Variants in KCNN2 observed in about 807,000 individuals in gnomAD.
KCNN2 encodes the protein potassium calcium-activated channel subfamily N member 2, also known as small conductance calcium-activated potassium channel protein 2.
In KCNN2, 24 loss-of-function variants were observed where a neutral mutation model predicts 55.5. That is an observed-to-expected ratio of 0.43 (90% CI 0.31 to 0.61). The LOEUF (loss-of-function observed/expected upper bound fraction) is 0.61. Among genes scored for constraint, KCNN2 ranks in the 20% least tolerant of loss-of-function variants. KCNN2 has a pLI of 0.08. For synonymous variants in KCNN2, 431 were observed against 336.1 expected (o/e 1.28, Z -3.09); for missense variants, 754 against 853.6 (o/e 0.88, Z 1.45).
At chr5:114,220,916 C>T (rs531229605) in intron 1 of KCNN2, among the ~76,000 whole-genome samples, 18 of 151,450 alleles carry the variant, frequency 1.2e-4, no homozygotes, top group Admixed American at 3.9e-4. Flanking sequence ...GGTATATGTT[C>T]AAATAAGAAA....
chr5:114,178,288 T>C (rs1561511070), intron 1 of KCNN2, among the ~76,000 whole-genome samples: 1 of 152,200 alleles, frequency 6.6e-6, no homozygotes, highest in Non-Finnish European at 1.5e-5. Context: ...AAATGAGAGT[T>C]CCATAAACTG....
chr5:114,163,751 A>T (rs1028169344), intron 1 of KCNN2, among the ~76,000 whole-genome samples: 1 of 152,162 alleles, frequency 6.6e-6, no homozygotes. Context: ...ACAGTTTAGC[A>T]TGGCTTTGAG....
chr5:114,236,619 C>T (rs900078691), intron 2 of KCNN2, among the ~76,000 whole-genome samples: 1 of 151,980 alleles, frequency 6.6e-6, no homozygotes, highest in East Asian at 1.9e-4. Flanking sequence ...ATATGTATGC[C>T]CTTCATCTGA....
At chr5:114,265,718 C>G (rs919057953) in intron 2 of KCNN2, among the ~76,000 whole-genome samples, 1 of 152,202 alleles carries the variant, frequency 6.6e-6, no homozygotes, top group African/African-American at 2.4e-5. Flanking sequence ...CGCACAGACA[C>G]AACCAGAATA....
intron 1 of KCNN2, among the ~76,000 whole-genome samples, chr5:114,173,517 T>C (rs1385097571): frequency 6.6e-6 from 1 of 151,186 alleles, no homozygotes; most frequent in Non-Finnish European, 1.5e-5. Flanking sequence ...GTTTTTTCTA[T>C]TCCTGTGAAG....
intron 1 of KCNN2, among the ~76,000 whole-genome samples, chr5:114,180,864 C>CAT (rs1405503778): frequency 3.9e-5 from 6 of 152,152 alleles, no homozygotes; most frequent in African/African-American, 1.2e-4. Context: ...TCTAGAACTT[C>CAT]ATATCAAATG....
At chr5:114,189,539 G>A (rs73779742) in intron 1 of KCNN2, among the ~76,000 whole-genome samples, 3,793 of 152,140 alleles carry the variant, frequency 0.025, 145 homozygotes, top group African/African-American at 0.086. Flanking sequence ...CCAAATGCCT[G>A]GGCACCCTGT....
intron 3 of KCNN2, among the ~76,000 whole-genome samples, chr5:114,450,284 G>T (rs1760615286): frequency 6.6e-6 from 1 of 152,202 alleles, no homozygotes; most frequent in Admixed American, 6.5e-5. Context: ...GGTTTTTTGG[G>T]TAAGGGAATC....
chr5:114,304,487 A>G (rs981308406), intron 2 of KCNN2, among the ~76,000 whole-genome samples: 9 of 152,156 alleles, frequency 5.9e-5, no homozygotes, highest in Non-Finnish European at 1.3e-4. Flanking sequence ...GGGAACTTGG[A>G]TCACACAGTC....
intron 1 of KCNN2, among the ~76,000 whole-genome samples, chr5:114,176,292 A>G (rs980587985): frequency 6.6e-6 from 1 of 152,202 alleles, no homozygotes; most frequent in Non-Finnish European, 1.5e-5. Flanking sequence ...GAATCACCTC[A>G]GACAAAGCTA....
intron 1 of KCNN2, among the ~76,000 whole-genome samples, chr5:114,202,828 T>C (rs985317601): frequency 1.3e-5 from 2 of 152,108 alleles, no homozygotes; most frequent in African/African-American, 4.8e-5. Context: ...CCTCGTGATC[T>C]GCCTGCCTTG....
intron 4 of KCNN2, among the ~76,000 whole-genome samples, chr5:114,471,128 A>C (rs1427564399): frequency 6.6e-6 from 1 of 152,164 alleles, no homozygotes; most frequent in Non-Finnish European, 1.5e-5. Flanking sequence ...GTGCTTCATA[A>C]TGCATTATGG....
At chr5:114,064,059 G>A (rs938927982) in intron 1 of KCNN2, among the ~76,000 whole-genome samples, 1 of 152,168 alleles carries the variant, frequency 6.6e-6, no homozygotes, top group Non-Finnish European at 1.5e-5. Flanking sequence ...AGAGCTTAAC[G>A]AAATGCTTGT....
At chr5:114,283,449 TTA>T (rs769957940) in intron 2 of KCNN2, among the ~76,000 whole-genome samples, 6 of 152,238 alleles carry the variant, frequency 3.9e-5, no homozygotes, top group Non-Finnish European at 7.3e-5. Flanking sequence ...TAAATTCAGC[TTA>T]TATTTCATTG....
rs566248512 is a variant in KCNN2 at position 114,417,226 on chromosome 5, C to T, written c.1637+12370C>T. Among the ~76,000 whole-genome samples, 3 of 152,284 alleles carry T rather than the reference C, an allele frequency of 2.0e-5. No homozygotes were observed. In the East Asian group the frequency reaches 5.8e-4, roughly 29 times the overall value. On this transcript the variant is annotated intron_variant, in intron 3 of 7. Coordinates refer to ENST00000673685, the MANE Select transcript of KCNN2 (RefSeq NM_021614.4). ...CCAATATAAAAAGATCAGCTTTAGT[C>T]ATTAGTTTTTATCTAATTTAATGGT...
rs1050597008 is a variant in KCNN2 at position 114,347,845 on chromosome 5, C to T, written c.-184-13100C>T. Among the ~76,000 whole-genome samples, 3 of 152,168 alleles carry T rather than the reference C, an allele frequency of 2.0e-5. No individual in the cohort carries two copies. In the East Asian group the frequency reaches 5.8e-4, roughly 29 times the overall value. On this transcript the variant is annotated intron_variant, in intron 2 of 10. Transcript: ENST00000512097. ...CAAAGCTATCCTCACCTCTAAGTGA[C>T]CCTAGGTAACCATCCATGAGACAAT...
At chr5:114,407,501 T>C (rs1758974074) in intron 3 of KCNN2, among the ~76,000 whole-genome samples, 1 of 152,130 alleles carries the variant, frequency 6.6e-6, no homozygotes, top group African/African-American at 2.4e-5. Flanking sequence ...TTTTTGAAAT[T>C]TTTCTCTTTG....
In KCNN2 at chr5:114,463,203, A is replaced by G. The variant is rs755332105; in HGVS notation, c.1779+13A>G. On this transcript the variant is annotated intron_variant, in intron 4 of 7. Transcript: ENST00000673685. ...TACTGGAATTATGGTAAGTGTCTTT[A>G]TACTTCACATCTCTTTTATTTACGC... 2.6e-5 allele frequency: 42 copies of G among 1,604,438 alleles called. No homozygotes were observed. Among genetic ancestry groups the G allele is most frequent in the Non-Finnish European group, 3.3e-5 (39 of 1,174,718 alleles).
At chr5:114,438,809 G>A (rs936033199) in intron 3 of KCNN2, among the ~76,000 whole-genome samples, 11 of 152,092 alleles carry the variant, frequency 7.2e-5, no homozygotes, top group African/African-American at 1.9e-4. Flanking sequence ...GAAAACTCCC[G>A]TTGCTCTTAC....
Sources: allele counts gnomAD v4.1 joint callset (sites outside exome capture counted in the v4.1 genomes callset), GRCh38; gene constraint gnomAD v4.1.1; transcripts MANE v1.5; gene names NCBI Gene and HGNC (gene_info 2026-07-23, HGNC 2026-07-21).